The following SNX8 variants were observed in gnomAD, a reference collection of about 807,000 sequenced individuals.
SNX8 encodes sorting nexin 8, also known as sorting nexin-8.
SNX8 carries 25 observed loss-of-function variants against 51.6 expected under a neutral mutation model. The observed-to-expected ratio is 0.48, with a 90% CI of 0.35 to 0.68. The LOEUF is 0.68. SNX8 is among the 30% of genes least tolerant of loss of function. The pLI is 0.00. For missense variants in SNX8, 695 were observed against 624.0 expected (o/e 1.11, Z -1.21); for synonymous variants, 324 against 277.0 (o/e 1.17, Z -1.68).
intron 1 of SNX8, among the ~76,000 whole-genome samples, chr7:2,308,976 A>G (rs987114493): frequency 6.6e-6 from 1 of 151,942 alleles, no homozygotes; most frequent in Non-Finnish European, 1.5e-5. Flanking sequence ...TTTTGTACAG[A>G]CGGGGTTTCA....
intron 1 of SNX8, among the ~76,000 whole-genome samples, chr7:2,282,043 C>A (rs1318168325): frequency 1.3e-5 from 2 of 152,074 alleles, no homozygotes; most frequent in Admixed American, 1.3e-4. Flanking sequence ...TCTGTGAGAC[C>A]CTGGGAGGGA....
intron 1 of SNX8, among the ~76,000 whole-genome samples, chr7:2,312,449 G>T (rs892880547): frequency 3.3e-5 from 5 of 152,118 alleles, no homozygotes; most frequent in East Asian, 3.8e-4. Context: ...TGAGACTCAC[G>T]CTGGCCTCCA....
At chr7:2,351,619 T>A (rs1450355586) in intron 1 of SNX8, among the ~76,000 whole-genome samples, 1 of 151,086 alleles carries the variant, frequency 6.6e-6, no homozygotes, top group African/African-American at 2.4e-5. Flanking sequence ...GATCACGAGG[T>A]CAGGAGAGTG....
Position 2,256,867 on chromosome 7 carries a change from G to A in SNX8, c.1284+7C>T, listed in dbSNP as rs756216898. 2 of 1,609,002 alleles carry A rather than the reference G, an allele frequency of 1.2e-6. No individual in the cohort carries two copies. The highest frequency in any genetic ancestry group is 2.2e-5 in the South Asian group (2 of 90,688). ...CCGAGACGGCGGCCGGAGCAGGGCG[G>A]ACTCACCTCCTTGTGCCCTTGGATC... On this transcript the variant is annotated splice_region_variant and intron_variant, in intron 10 of 10. Coordinates refer to ENST00000222990, the MANE Select transcript of SNX8 (RefSeq NM_013321.4).
At chr7:2,338,136 G>A (rs2115242923) in intron 1 of SNX8, among the ~76,000 whole-genome samples, 1 of 152,010 alleles carries the variant, frequency 6.6e-6, no homozygotes, top group South Asian at 2.1e-4. Context: ...GACCAGTCTG[G>A]GCAATATGGC....
intron 7 of SNX8, among the ~76,000 whole-genome samples, chr7:2,258,571 G>A (rs1302899438): frequency 6.6e-6 from 1 of 152,210 alleles, no homozygotes; most frequent in Non-Finnish European, 1.5e-5. Context: ...GGGGCACGGA[G>A]GAGAACAAGG....
At chr7:2,313,723 G>T (rs1022548022) in intron 1 of SNX8, among the ~76,000 whole-genome samples, 2 of 151,438 alleles carry the variant, frequency 1.3e-5, no homozygotes, top group East Asian at 1.9e-4. Flanking sequence ...ATTACCGGGC[G>T]TAACTGCACG....
intron 5 of SNX8, among the ~76,000 whole-genome samples, chr7:2,265,710 A>ATGGGGGGAAG (rs903997535): frequency 1.3e-5 from 2 of 152,022 alleles, no homozygotes; most frequent in African/African-American, 4.8e-5. Context: ...GACTCTCCAC[A>ATGGGGGGAAG]TGGGGGGAAG....
chr7:2,266,430 T>A (rs888729087), intron 5 of SNX8, among the ~76,000 whole-genome samples: 17 of 152,126 alleles, frequency 1.1e-4, no homozygotes, highest in Non-Finnish European at 2.4e-4. Context: ...CACTCCAACC[T>A]CTTCCTCCTA....
Position 2,298,743 on chromosome 7 carries a change from G to A in SNX8, c.94+15585C>T, listed in dbSNP as rs186239987. Reference sequence around the variant, plus strand: ...GTCTTGCTCTGTCCCCCAGCCTGGAGTGCAGTGGCACGATCTCAGCTCACT... The same window carrying A: ...GTCTTGCTCTGTCCCCCAGCCTGGAATGCAGTGGCACGATCTCAGCTCACT... On this transcript the variant is annotated intron_variant, in intron 1 of 10. Coordinates refer to ENST00000222990, the MANE Select transcript of SNX8 (RefSeq NM_013321.4). Among the ~76,000 whole-genome samples the A allele has an allele frequency of 8.6e-5, 13 of 151,906 alleles. No individual in the cohort carries two copies. The East Asian group carries it at 2.5e-3, about 29-fold the overall frequency.
At chr7:2,317,632 C>T (rs1796778063), upstream of SNX8, among the ~76,000 whole-genome samples, 1 of 151,932 alleles carries the variant, frequency 6.6e-6, no homozygotes, top group South Asian at 2.1e-4. Flanking sequence ...GATTACAGAA[C>T]CAAGAGCCCA....
intron 1 of SNX8, among the ~76,000 whole-genome samples, chr7:2,322,470 G>A (rs1778542150): frequency 6.6e-6 from 1 of 152,002 alleles, no homozygotes; most frequent in Admixed American, 6.6e-5. Flanking sequence ...CAAGGCGGGT[G>A]GATCACCTGA....
At chr7:2,287,894 GAA>G (rs372127586) in intron 1 of SNX8, 4 of 132,998 alleles carry the variant, frequency 3.0e-5, no homozygotes, top group Non-Finnish European at 3.3e-5. Context: ...TGGGCGAGCA[GAA>G]AAAAAAAAAA....
chr7:2,348,508 T>C (rs1161169610), intron 1 of SNX8, among the ~76,000 whole-genome samples: 1 of 151,656 alleles, frequency 6.6e-6, no homozygotes, highest in African/African-American at 2.4e-5. Context: ...GCCCGGCTAA[T>C]TTTTTTGTAT....
chr7:2,331,014 G>A (rs913172058), intron 1 of SNX8, among the ~76,000 whole-genome samples: 2 of 151,546 alleles, frequency 1.3e-5, no homozygotes, highest in South Asian at 2.1e-4. Flanking sequence ...GTGAAACCCC[G>A]TCTCTACTAA....
intron 1 of SNX8, among the ~76,000 whole-genome samples, chr7:2,351,853 T>A (rs1180619399): frequency 1.4e-5 from 2 of 145,298 alleles, no homozygotes; most frequent in Admixed American, 6.9e-5. Context: ...AATAAATAAA[T>A]AAAGATAATA....
In SNX8 at chr7:2,330,951, G is replaced by A. The variant is rs1015801047; in HGVS notation, c.-66+23271C>T. On this transcript the variant is annotated intron_variant, in intron 1 of 5. Transcript: ENST00000435336. ...TGTGATCCCAAAACTTTGGGAGGCC[G>A]AGGCAGGTGGGTCACTTGAGGTCAG... is the stretch of plus-strand genomic sequence containing the variant. Among the ~76,000 whole-genome samples, 10 of 151,460 alleles carry A rather than the reference G, an allele frequency of 6.6e-5. No homozygotes were observed. In the East Asian group the frequency reaches 1.2e-3, roughly 18 times the overall value.
At chr7:2,307,647 A>AAG (rs1431431454) in intron 1 of SNX8, 4 of 150,668 alleles carry the variant, frequency 2.7e-5, no homozygotes, top group Admixed American at 2.0e-4. Flanking sequence ...AAAAAAAAAA[A>AAG]AAAAAAAAAA....
At chr7:2,286,561 AG>A (rs1345675096) in intron 1 of SNX8, among the ~76,000 whole-genome samples, 1 of 150,230 alleles carries the variant, frequency 6.7e-6, no homozygotes, top group African/African-American at 2.5e-5. Flanking sequence ...TCTGTCGCCC[AG>A]GCTGGAGTGC....
Sources: allele counts gnomAD v4.1 joint callset (sites outside exome capture counted in the v4.1 genomes callset), GRCh38; gene constraint gnomAD v4.1.1; transcripts MANE v1.5; gene names NCBI Gene and HGNC (gene_info 2026-07-23, HGNC 2026-07-21).